RIMBP2: variants seen among roughly 807,000 people sequenced by gnomAD.
The protein encoded by RIMBP2 is RIMS-binding protein 2.
In RIMBP2, 48 loss-of-function variants were observed where a neutral mutation model predicts 118.6. The observed-to-expected ratio is 0.40, with a 90% CI of 0.32 to 0.51. The LOEUF is 0.51. Ranked by LOEUF, RIMBP2 falls within the 20% of genes least tolerant of loss-of-function variation. The probability of loss-of-function intolerance (pLI) is 0.41; values close to 1 mark genes in which losing one functional copy is unlikely to be tolerated. For missense variants in RIMBP2, 1,551 were observed against 1,768.3 expected (o/e 0.88, Z 2.20); for synonymous variants, 762 against 742.9 (o/e 1.03, Z -0.42).
At position 130,532,751 on chromosome 12, in the gene RIMBP2, A is replaced by G. The variant is rs71468429; in HGVS notation, c.-216-14834T>C. Among the ~76,000 whole-genome samples, 233 of 74,880 alleles carry G rather than the reference A, an allele frequency of 3.1e-3. No homozygotes were observed. The Middle Eastern group carries it at 0.037, about 12-fold the overall frequency. The allele number at this position is 74,880 out of a possible 152,430, so 49.1% of individuals were successfully genotyped here. A position where few individuals can be genotyped will look rare whatever the true frequency, so the allele number is the denominator to read the frequency against. On this transcript the variant is annotated intron_variant, in intron 2 of 22. Transcript: ENST00000690449. The stretch of plus-strand genomic sequence containing the variant: ...TGTGTGTTCAGCCTCTAGGAGTTAC[A>G]TCTAATGAGATGCGTGTGTTCAGCC...
chr12:130,484,523 G>A (rs2082318905), intron 4 of RIMBP2, among the ~76,000 whole-genome samples: 1 of 152,246 alleles, frequency 6.6e-6, no homozygotes, highest in African/African-American at 2.4e-5. Flanking sequence ...TCCCTTGCCT[G>A]CTATCTGCTC....
intron 2 of RIMBP2, among the ~76,000 whole-genome samples, chr12:130,562,327 T>A (rs1038221065): frequency 2.4e-4 from 36 of 152,364 alleles, no homozygotes; most frequent in Admixed American, 2.1e-3. Flanking sequence ...TTAAGCTAGC[T>A]TAATTGAAAT....
chr12:130,677,258 G>A (rs540103531), intron 1 of RIMBP2, among the ~76,000 whole-genome samples: 38 of 152,266 alleles, frequency 2.5e-4, no homozygotes, highest in East Asian at 2.1e-3. Flanking sequence ...AAAGGTACAC[G>A]GAGAGGCACT....
At chr12:130,654,882 A>C (rs1401062822) in intron 1 of RIMBP2, among the ~76,000 whole-genome samples, 1 of 152,214 alleles carries the variant, frequency 6.6e-6, no homozygotes, top group East Asian at 1.9e-4. Flanking sequence ...CAAGAAAGCC[A>C]GGGAGGAGGT....
chr12:130,552,955 A>C (rs962774899), intron 2 of RIMBP2, among the ~76,000 whole-genome samples: 5 of 152,236 alleles, frequency 3.3e-5, no homozygotes, highest in Middle Eastern at 3.4e-3. Flanking sequence ...GATCGAGACT[A>C]TCCTGGCTAA....
rs1285101071 is a variant in RIMBP2 at position 130,535,884 on chromosome 12, T to TG, written c.-216-17968_-216-17967insC. Among the ~76,000 whole-genome samples the TG allele has an allele frequency of 8.6e-5, 13 of 151,712 alleles. No individual in the cohort carries two copies. In the East Asian group the frequency reaches 2.1e-3, roughly 25 times the overall value. ...GCCTCAACCTCCTGGGCTCAGGTGA[T>TG]CCTCCTGTCTCAGGCCCTCCAAGTA... is the stretch of plus-strand genomic sequence containing the variant. On this transcript the variant is annotated intron_variant, in intron 2 of 22. Transcript: ENST00000690449.
intron 2 of RIMBP2, among the ~76,000 whole-genome samples, chr12:130,529,120 G>A (rs1339091742): frequency 1.4e-5 from 2 of 142,272 alleles, no homozygotes; most frequent in African/African-American, 5.4e-5. Context: ...TCAGCCTACA[G>A]AAGGAATGAC....
chr12:130,691,394 G>A (rs895273973), intron 1 of RIMBP2, among the ~76,000 whole-genome samples: 5 of 152,298 alleles, frequency 3.3e-5, no homozygotes, highest in East Asian at 1.9e-4. Flanking sequence ...CACAGGCTGC[G>A]TGTGGTGGCT....
At chr12:130,678,923 G>A (rs894390278) in intron 1 of RIMBP2, among the ~76,000 whole-genome samples, 5 of 152,204 alleles carry the variant, frequency 3.3e-5, no homozygotes, top group African/African-American at 1.2e-4. Flanking sequence ...GAGGCGTGAC[G>A]GCCAGAGGGG....
At chr12:130,452,809 A>G (rs577673765) in intron 7 of RIMBP2, among the ~76,000 whole-genome samples, 3 of 152,326 alleles carry the variant, frequency 2.0e-5, no homozygotes, top group Admixed American at 6.5e-5. Flanking sequence ...GCCACAGTGA[A>G]CAGCAGGGGA....
chr12:130,635,780 A>G (rs941191629), intron 1 of RIMBP2, among the ~76,000 whole-genome samples: 1 of 152,034 alleles, frequency 6.6e-6, no homozygotes, highest in Non-Finnish European at 1.5e-5. Flanking sequence ...CCCACCTAAC[A>G]TCTGAAAGGG....
At chr12:130,488,624 A>G (rs1451542153) in intron 4 of RIMBP2, among the ~76,000 whole-genome samples, 1 of 152,158 alleles carries the variant, frequency 6.6e-6, no homozygotes, top group Non-Finnish European at 1.5e-5. Flanking sequence ...CTATAGAAAA[A>G]TCAGTGTTGC....
intron 1 of RIMBP2, among the ~76,000 whole-genome samples, chr12:130,711,114 A>G (rs1215062054): frequency 6.6e-6 from 1 of 152,198 alleles, no homozygotes; most frequent in Non-Finnish European, 1.5e-5. Flanking sequence ...GTGGTAGCCC[A>G]CGCCTGTAAT....
At chr12:130,597,310 C>A (rs571039161) in intron 2 of RIMBP2, among the ~76,000 whole-genome samples, 58 of 152,352 alleles carry the variant, frequency 3.8e-4, no homozygotes, top group African/African-American at 1.3e-3. Flanking sequence ...GTGGTGCGAT[C>A]TCTGCTCACT....
At chr12:130,672,308 C>T (rs535194254) in intron 1 of RIMBP2, among the ~76,000 whole-genome samples, 1 of 152,230 alleles carries the variant, frequency 6.6e-6, no homozygotes, top group South Asian at 2.1e-4. Context: ...TCAATTAAAT[C>T]ACTCGCTTGG....
At position 130,441,411 on chromosome 12, in the gene RIMBP2, A is replaced by AATC. The variant is rs377315863; in HGVS notation, c.1504+436_1504+437insGAT. ...GCGAGACTCCATCTCAAATAATAAT[A>AATC]ATAATAATAATAATAATAATAATAA... is the stretch of plus-strand genomic sequence containing the variant. On this transcript the variant is annotated intron_variant, in intron 11 of 22. Transcript: ENST00000690449. Among the ~76,000 whole-genome samples, 895 of 114,148 alleles carry AATC rather than the reference A, an allele frequency of 7.8e-3. 6 individuals are homozygous for AATC. Among genetic ancestry groups the AATC allele is most frequent in the South Asian group, 0.022 (88 of 3,970 alleles). 74.9% of individuals were successfully genotyped at this position (114,148 alleles called of 152,430 possible).
At chr12:130,699,081 G>C (rs956852712) in intron 1 of RIMBP2, among the ~76,000 whole-genome samples, 3 of 152,132 alleles carry the variant, frequency 2.0e-5, no homozygotes, top group African/African-American at 4.8e-5. Flanking sequence ...TCAGGAAATA[G>C]GTGCTGGAGA....
At chr12:130,618,570 C>CT (rs11428958) in intron 2 of RIMBP2, among the ~76,000 whole-genome samples, 25,351 of 152,028 alleles carry the variant, frequency 0.17, 2,297 homozygotes, top group African/African-American at 0.24. Flanking sequence ...TGTATTTGCC[C>CT]TTTTGCCTAG....
chr12:130,580,028 C>CAAACAAAAAAA (rs2058355041), intron 2 of RIMBP2, among the ~76,000 whole-genome samples: 1 of 116,528 alleles, frequency 8.6e-6, no homozygotes, highest in South Asian at 3.0e-4. Context: ...ACCAAAAATA[C>CAAACAAAAAAA]AAAAAAAAAA....
Sources: allele counts gnomAD v4.1 joint callset (sites outside exome capture counted in the v4.1 genomes callset), GRCh38; gene constraint gnomAD v4.1.1; transcripts MANE v1.5; gene names NCBI Gene and HGNC (gene_info 2026-07-23, HGNC 2026-07-21).